The following RBFOX1 variants were observed in gnomAD, a reference collection of about 807,000 sequenced individuals.
RBFOX1 encodes RNA binding fox-1 homolog 1, also known as RNA binding protein fox-1 homolog 1.
Under a neutral mutation model 57.7 loss-of-function variants are expected in RBFOX1, and 8 were observed. That is an observed-to-expected ratio of 0.14 (90% CI 0.08 to 0.25). The LOEUF is 0.25. Among genes scored for constraint, RBFOX1 ranks in the 10% least tolerant of loss-of-function variants. The pLI is 1.00. For missense variants in RBFOX1, 611 were observed against 548.5 expected, an observed-to-expected ratio of 1.11 and a Z score of -1.14; for synonymous variants, 326 against 222.4, an observed-to-expected ratio of 1.47 and a Z score of -4.15.
At chr16:5,953,609 G>C (rs2059563729) in intron 4 of RBFOX1, among the ~76,000 whole-genome samples, 1 of 151,964 alleles carries the variant, frequency 6.6e-6, no homozygotes, top group East Asian at 1.9e-4. Context: ...TTCCATTCCT[G>C]AGTTAGTTCA....
intron 1 of RBFOX1, among the ~76,000 whole-genome samples, chr16:5,430,451 A>G (rs1017759001): frequency 5.9e-5 from 9 of 152,108 alleles, no homozygotes; most frequent in African/African-American, 2.2e-4. Flanking sequence ...GTGATATGAG[A>G]GAGCTGGGGC....
intron 2 of RBFOX1, among the ~76,000 whole-genome samples, chr16:6,606,039 G>A (rs1026401730): frequency 3.3e-5 from 5 of 152,018 alleles, no homozygotes; most frequent in Non-Finnish European, 7.4e-5. Context: ...AACCCAGGAG[G>A]TGGAGGTTGC....
intron 1 of RBFOX1, among the ~76,000 whole-genome samples, chr16:6,221,988 G>C (rs2097376981): frequency 6.6e-6 from 1 of 152,118 alleles, no homozygotes; most frequent in Non-Finnish European, 1.5e-5. Flanking sequence ...GGGAAGCAGT[G>C]GTCCTTCTTC....
chr16:5,326,483 C>T (rs1248633912), intron 1 of RBFOX1, among the ~76,000 whole-genome samples: 1 of 152,180 alleles, frequency 6.6e-6, no homozygotes, highest in Admixed American at 6.5e-5. Context: ...CAATAATAAC[C>T]TCTTCTGAGC....
At chr16:5,520,139 C>T (rs922103008) in intron 2 of RBFOX1, among the ~76,000 whole-genome samples, 6 of 152,042 alleles carry the variant, frequency 3.9e-5, no homozygotes, top group Non-Finnish European at 8.8e-5. Context: ...TGTGTGTAAC[C>T]CCAGAGGGGA....
At chr16:7,700,852 T>C (rs1184983058) in intron 14 of RBFOX1, among the ~76,000 whole-genome samples, 1 of 152,128 alleles carries the variant, frequency 6.6e-6, no homozygotes, top group East Asian at 1.9e-4. Flanking sequence ...AGGTTTTGAA[T>C]GGCATTGGTG....
chr16:7,207,079 T>C (rs1270700052), intron 4 of RBFOX1, among the ~76,000 whole-genome samples: 1 of 152,186 alleles, frequency 6.6e-6, no homozygotes, highest in Non-Finnish European at 1.5e-5. Context: ...GTGTAGGTGC[T>C]TTTGTACAGT....
chr16:7,256,219 C>T (rs917688771), intron 4 of RBFOX1, among the ~76,000 whole-genome samples: 4 of 152,180 alleles, frequency 2.6e-5, no homozygotes, highest in African/African-American at 9.6e-5. Flanking sequence ...CTCCTCTTTA[C>T]TCCCTTGCCT....
intron 4 of RBFOX1, among the ~76,000 whole-genome samples, chr16:5,938,910 A>T (rs1483109267): frequency 6.6e-6 from 1 of 152,198 alleles, no homozygotes; most frequent in East Asian, 1.9e-4. Context: ...GATGGCTATT[A>T]TGTTAAAAAA....
chr16:5,787,418 C>T (rs2054541533), intron 3 of RBFOX1, among the ~76,000 whole-genome samples: 1 of 152,166 alleles, frequency 6.6e-6, no homozygotes, highest in African/African-American at 2.4e-5. Flanking sequence ...TTGTAAGCCT[C>T]TCTACAAACT....
At chr16:5,928,411 GAAA>G (rs374169902) in intron 4 of RBFOX1, among the ~76,000 whole-genome samples, 1 of 132,894 alleles carries the variant, frequency 7.5e-6, no homozygotes, top group African/African-American at 2.8e-5. Flanking sequence ...TTCTCGCCAT[GAAA>G]AAAAAAAAAA....
chr16:5,813,231 C>G (rs991795384), intron 3 of RBFOX1, among the ~76,000 whole-genome samples: 2 of 152,140 alleles, frequency 1.3e-5, no homozygotes, highest in Non-Finnish European at 2.9e-5. Flanking sequence ...TGGTCTTGAA[C>G]TCCTAACCTG....
At chr16:5,991,644 A>ATTTTTTTTTTT (rs1567229399) in intron 4 of RBFOX1, among the ~76,000 whole-genome samples, 1 of 78,766 alleles carries the variant, frequency 1.3e-5, no homozygotes. Context: ...ATTATTAGAT[A>ATTTTTTTTTTT]GTTTTTTTTT....
Position 7,357,437 on chromosome 16 carries a change from G to A in RBFOX1, c.28-160710G>A, listed in dbSNP as rs545749412. Reference sequence around the variant, plus strand: ...GGTGGTGAGGTGCATGAATTGCAGTGGAACCATCCAGGTTTTTTCCACTTT... The same window carrying A: ...GGTGGTGAGGTGCATGAATTGCAGTAGAACCATCCAGGTTTTTTCCACTTT... On this transcript the variant is annotated intron_variant, in intron 4 of 15. Transcript: ENST00000550418. Among the ~76,000 whole-genome samples the A allele has an allele frequency of 4.6e-5, 7 of 152,278 alleles. 2 individuals are homozygous for A. The highest frequency in any genetic ancestry group is 1.7e-4 in the African/African-American group (7 of 41,562).
At chr16:7,409,601 C>T (rs891637506) in intron 4 of RBFOX1, among the ~76,000 whole-genome samples, 6 of 152,144 alleles carry the variant, frequency 3.9e-5, no homozygotes, top group Admixed American at 6.5e-5. Flanking sequence ...ATACATATTA[C>T]GTTCGTTTGG....
At chr16:6,086,225 G>T (rs1160494842) in intron 1 of RBFOX1, among the ~76,000 whole-genome samples, 1 of 152,146 alleles carries the variant, frequency 6.6e-6, no homozygotes, top group Non-Finnish European at 1.5e-5. Context: ...ACAAGCACAT[G>T]CATTGGGTTT....
intron 1 of RBFOX1, among the ~76,000 whole-genome samples, chr16:6,158,431 C>G (rs912659647): frequency 3.3e-5 from 5 of 152,016 alleles, no homozygotes; most frequent in African/African-American, 7.2e-5. Context: ...CCTGTGAGGC[C>G]TCCTTTGATT....
intron 4 of RBFOX1, among the ~76,000 whole-genome samples, chr16:7,506,930 C>G (rs554409732): frequency 6.6e-6 from 1 of 152,226 alleles, no homozygotes; most frequent in South Asian, 2.1e-4. Context: ...CAGTTTTATC[C>G]CCACAGTGGG....
At chr16:7,034,997 A>T (rs922826961) in intron 3 of RBFOX1, among the ~76,000 whole-genome samples, 1 of 149,268 alleles carries the variant, frequency 6.7e-6, no homozygotes, top group Non-Finnish European at 1.5e-5. Context: ...ACAGGTGCCC[A>T]CCACCATGCC....
Sources: gnomAD v4.1 joint callset for allele counts (sites outside exome capture counted in the v4.1 genomes callset) on GRCh38, gnomAD v4.1.1 for gene constraint, MANE v1.5 for transcripts, NCBI Gene and HGNC (gene_info 2026-07-23, HGNC 2026-07-21) for gene names.